Variants in TM7SF3 observed in about 807,000 individuals in gnomAD.
The protein encoded by TM7SF3 is transmembrane 7 superfamily member 3.
In TM7SF3, 60 loss-of-function variants were observed where a neutral mutation model predicts 65.5. That is an observed-to-expected ratio of 0.92 (90% CI 0.74 to 1.14). The LOEUF (loss-of-function observed/expected upper bound fraction) is 1.14, where lower values mean the gene tolerates loss of function less well. TM7SF3 is among the 50% of genes most tolerant of loss of function. TM7SF3 has a pLI of 0.00. For synonymous variants in TM7SF3, 264 were observed against 259.6 expected, an observed-to-expected ratio of 1.02 and a Z score of -0.16; for missense variants, 623 against 684.8, an observed-to-expected ratio of 0.91 and a Z score of 1.01.
At chr12:26,981,756 T>C (rs1475540011) in intron 7 of TM7SF3, among the ~76,000 whole-genome samples, 1 of 152,244 alleles carries the variant, frequency 6.6e-6, no homozygotes, top group Non-Finnish European at 1.5e-5. Flanking sequence ...GTTATACAAC[T>C]TGTTGATTAA....
At chr12:26,982,036 C>T (rs1565869272) in intron 7 of TM7SF3, among the ~76,000 whole-genome samples, 2 of 146,724 alleles carry the variant, frequency 1.4e-5, no homozygotes, top group Admixed American at 1.4e-4. Context: ...CAACCAACTT[C>T]TTTTTTTTTT....
intron 1 of TM7SF3, among the ~76,000 whole-genome samples, chr12:27,008,273 CT>C (rs1162042662): frequency 6.6e-6 from 1 of 152,122 alleles, no homozygotes; most frequent in Non-Finnish European, 1.5e-5. Flanking sequence ...TTAATTCGCA[CT>C]TCCCTAATTA....
In TM7SF3 at chr12:26,981,931, A is replaced by G. The variant is rs555275284; in HGVS notation, c.955+842T>C. ...CTGAATCTCTCAGGACTGAGCAGAC[A>G]TTTCAAACTCACTGTACACTGCAGC... On this transcript the variant is annotated intron_variant, in intron 7 of 11. Coordinates refer to ENST00000343028, the MANE Select transcript of TM7SF3 (RefSeq NM_016551.3). Among the ~76,000 whole-genome samples, 85 of 152,312 alleles carry G rather than the reference A, an allele frequency of 5.6e-4. 2 individuals are homozygous for G. The South Asian group carries it at 0.017, about 30-fold the overall frequency.
intron 1 of TM7SF3, among the ~76,000 whole-genome samples, chr12:27,006,899 T>C (rs1941059766): frequency 2.0e-5 from 3 of 152,336 alleles, no homozygotes; most frequent in Non-Finnish European, 4.4e-5. Context: ...GCATGAATAA[T>C]AAATTAATAA....
Position 26,973,078 on chromosome 12 carries a change from A to C in TM7SF3, c.*887T>G, listed in dbSNP as rs2136369872. On this transcript the variant is annotated 3_prime_UTR_variant, in exon 12 of 12. Transcript: ENST00000343028. ...TTATCACAACTTAAAAATTTTAAAA[A>C]ATACTGAAAAAAAAACAAAGGGTAA... 6.6e-6 allele frequency: 1 copy of C among 152,228 alleles called. No individual in the cohort carries two copies. The highest frequency in any genetic ancestry group is 6.5e-5 in the Admixed American group (1 of 15,298). 9.4% of individuals were successfully genotyped at this position (152,228 alleles called of 1,614,324 possible).
At chr12:27,003,467 G>T in intron 1 of TM7SF3, 77 bp from the exon 2 acceptor site, 1 of 1,355,686 alleles carries the variant, frequency 7.4e-7, no homozygotes, top group Non-Finnish European at 1.0e-6. Flanking sequence ...ATAAATGAAT[G>T]TGGAATTTAA....
chr12:26,982,633 A>T (rs1939865755), intron 7 of TM7SF3, 140 bp downstream of exon 7: 2 of 561,496 alleles, frequency 3.6e-6, no homozygotes, highest in East Asian at 6.1e-5. Context: ...GCAACTCAGT[A>T]GACTCACGAC....
rs1266032932 is a variant in TM7SF3, at chr12:27,003,369, C to T, written c.113G>A (p.Gly38Glu). Reference protein sequence around the residue: ...SSEGLIEFSVGKFRYFELNRP... With the variant: ...SSEGLIEFSVEKFRYFELNRP... Reference sequence around the variant, plus strand: ...ATTGAGCTCGAAGTATCTAAATTTCCCCACAGAAAATTCAATAAGACCTAC... The same window carrying T: ...ATTGAGCTCGAAGTATCTAAATTTCTCCACAGAAAATTCAATAAGACCTAC... The change falls in exon 2 of 12, where the codon GGG (glycine) becomes GAG (glutamate). Residue 38 changes from glycine to glutamate, a missense_variant. By Grantham distance (98) the Gly-to-Glu change is moderately conservative (BLOSUM62 -2). Coordinates refer to ENST00000343028, the MANE Select transcript of TM7SF3 (RefSeq NM_016551.3). 6.2e-7 allele frequency: 1 copy of T among 1,611,830 alleles called. No individual in the cohort carries two copies. Among genetic ancestry groups the T allele is most frequent in the Non-Finnish European group, 8.5e-7 (1 of 1,179,406 alleles).
At position 26,973,782 on chromosome 12, in the gene TM7SF3, C is replaced by A; in HGVS notation, c.*183G>T. ...CCACCAACCTTTTGGTCATCTTTCT[C>A]ATTCTCTTACAATCATCCTAATCCC... On this transcript the variant is annotated 3_prime_UTR_variant, in exon 12 of 12. Transcript: ENST00000343028. The A allele has an allele frequency of 1.5e-6, 1 of 675,480 alleles. No individual in the cohort carries two copies. Among genetic ancestry groups the A allele is most frequent in the Non-Finnish European group, 2.2e-6 (1 of 452,696 alleles). 41.8% of individuals were successfully genotyped at this position (675,480 alleles called of 1,614,324 possible). A position where few individuals can be genotyped will look rare whatever the true frequency, so the allele number is the denominator to read the frequency against.
chr12:26,999,557 A>C lies in TM7SF3; in HGVS notation c.366T>G (p.Asn122Lys), dbSNP rs755606527. Reference protein sequence around the residue: ...LGTSGIQPVQNMAILLSYSER... With the variant: ...LGTSGIQPVQKMAILLSYSER... ...CTGAGTAGGAGAGTAGGATAGCCAT[A>C]TTCTGGACAGGCTGTATGCCTGAAG... The change falls in exon 3 of 12, where the codon AAT (asparagine) becomes AAG (lysine). Residue 122 changes from asparagine (N) to lysine (K), a missense_variant. Physicochemically the swap from Asn to Lys is moderately conservative, Grantham distance 94 (BLOSUM62 0). Coordinates refer to ENST00000343028, the MANE Select transcript of TM7SF3 (RefSeq NM_016551.3). 6.2e-7 allele frequency: 1 copy of C among 1,614,190 alleles called. No homozygotes were observed. Among genetic ancestry groups the C allele is most frequent in the Non-Finnish European group, 8.5e-7 (1 of 1,180,024 alleles).
chr12:26,974,986 T>C (rs1223449287), intron 11 of TM7SF3, among the ~76,000 whole-genome samples: 2 of 152,300 alleles, frequency 1.3e-5, no homozygotes, highest in East Asian at 3.9e-4. Flanking sequence ...ACAATTCATG[T>C]GGTAGTCATT....
intron 1 of TM7SF3, among the ~76,000 whole-genome samples, chr12:27,006,137 T>C (rs1168715148): frequency 6.8e-6 from 1 of 147,202 alleles, no homozygotes; most frequent in Non-Finnish European, 1.5e-5. Flanking sequence ...TCTTTTTCTT[T>C]TTCTTTTTTT....
chr12:26,998,960 A>G (rs905487808), intron 3 of TM7SF3, among the ~76,000 whole-genome samples: 13 of 152,240 alleles, frequency 8.5e-5, no homozygotes, highest in Non-Finnish European at 8.8e-5. Context: ...GCTTAGAACA[A>G]CTAAACTGTT....
chr12:27,003,509 T>C, intron 1 of TM7SF3, 119 bp from the exon 2 acceptor site: 1 of 921,484 alleles, frequency 1.1e-6, no homozygotes, highest in Non-Finnish European at 1.6e-6. Context: ...GTAAATATGG[T>C]TATTGCTCCT....
At chr12:27,003,566 C>T (rs1230888973) in intron 1 of TM7SF3, among the ~76,000 whole-genome samples, 176 bp from the exon 2 acceptor site, 4 of 152,204 alleles carry the variant, frequency 2.6e-5, no homozygotes, top group South Asian at 2.1e-4. Context: ...TGCAGCCCAT[C>T]CAGGGTCATC....
intron 6 of TM7SF3, among the ~76,000 whole-genome samples, chr12:26,988,127 A>T (rs886258341): frequency 6.6e-6 from 1 of 152,084 alleles, no homozygotes; most frequent in Non-Finnish European, 1.5e-5. Flanking sequence ...GTTAAATGCA[A>T]TGTGGGATCC....
At chr12:26,985,806 G>GTTTTTTTTTT (rs149988617) in intron 6 of TM7SF3, among the ~76,000 whole-genome samples, 10 of 52,830 alleles carry the variant, frequency 1.9e-4, no homozygotes, top group Non-Finnish European at 2.5e-4. Flanking sequence ...TTTCTTTTTC[G>GTTTTTTTTTT]TTTTTTTTTT....
intron 9 of TM7SF3, among the ~76,000 whole-genome samples, chr12:26,977,744 A>G (rs1288886134): frequency 6.7e-6 from 1 of 149,928 alleles, no homozygotes; most frequent in Non-Finnish European, 1.5e-5. Flanking sequence ...ACAGAGTGAG[A>G]CTCCGTCTCA....
intron 9 of TM7SF3, chr12:26,978,695 G>C (rs1417853763): frequency 6.6e-6 from 1 of 151,664 alleles, no homozygotes; most frequent in Non-Finnish European, 1.5e-5. Context: ...TCTAGCCTCA[G>C]CCTCCCAGAG....
Sources: gnomAD v4.1 joint callset for allele counts (sites outside exome capture counted in the v4.1 genomes callset) on GRCh38, gnomAD v4.1.1 for gene constraint, MANE v1.5 for transcripts, NCBI Gene and HGNC (gene_info 2026-07-23, HGNC 2026-07-21) for gene names.